The following TESK2 variants were observed in gnomAD, a reference collection of about 807,000 sequenced individuals.
The protein encoded by TESK2 is testis associated actin remodelling kinase 2.
A neutral mutation model predicts 57.1 loss-of-function variants in TESK2; 39 were observed. That is an observed-to-expected ratio of 0.68 (90% CI 0.53 to 0.89). The LOEUF (loss-of-function observed/expected upper bound fraction) is 0.89. TESK2 is among the 40% of genes least tolerant of loss of function. TESK2 has a pLI of 0.00. For missense variants in TESK2, 646 were observed against 732.1 expected (o/e 0.88, Z 1.36); for synonymous variants, 249 against 267.9 (o/e 0.93, Z 0.69).
intron 2 of TESK2, among the ~76,000 whole-genome samples, chr1:45,424,174 A>G (rs1396438640): frequency 6.6e-6 from 1 of 152,230 alleles, no homozygotes; most frequent in African/African-American, 2.4e-5. Flanking sequence ...ATGACAACTT[A>G]CTTAAACTCT....
chr1:45,445,531 A>G (rs1651609937), intron 2 of TESK2, among the ~76,000 whole-genome samples: 1 of 151,732 alleles, frequency 6.6e-6, no homozygotes, highest in South Asian at 2.1e-4. Context: ...TCACACTTGT[A>G]ATCCCAACAC....
In TESK2 at chr1:45,458,425, C is replaced by T. The variant is rs183476520; in HGVS notation, c.-86-554G>A. On this transcript the variant is annotated intron_variant, in intron 1 of 10. Transcript: ENST00000372086. ...ACTAAAAATACAAAAATTAGCCAGG[C>T]GTGGTGGCAAGCACCTGTAATCTCA... Among the ~76,000 whole-genome samples, 150 of 152,112 alleles carry T rather than the reference C, an allele frequency of 9.9e-4. 1 individual carries two copies. The highest frequency in any genetic ancestry group is 1.7e-3 in the Non-Finnish European group (113 of 67,996).
chr1:45,490,633 G>T (rs554621778), intron 1 of TESK2, among the ~76,000 whole-genome samples: 2 of 152,264 alleles, frequency 1.3e-5, no homozygotes, highest in East Asian at 3.9e-4. Context: ...GGGAGCAGAC[G>T]TGGCGGGGAG....
chr1:45,439,285 G>A (rs1651347471), intron 2 of TESK2, among the ~76,000 whole-genome samples: 1 of 152,084 alleles, frequency 6.6e-6, no homozygotes, highest in African/African-American at 2.4e-5. Flanking sequence ...CAATTTTTCA[G>A]TATCAAGCAG....
intron 4 of TESK2, among the ~76,000 whole-genome samples, chr1:45,375,423 C>CTTT (rs34730448): frequency 0.018 from 2,437 of 135,522 alleles, 95 homozygotes; most frequent in African/African-American, 0.061. Context: ...TTCCTTCACC[C>CTTT]TTTTTTTTTT....
At chr1:45,450,087 A>G (rs1651810274) in intron 2 of TESK2, among the ~76,000 whole-genome samples, 2 of 152,250 alleles carry the variant, frequency 1.3e-5, no homozygotes, top group Admixed American at 1.3e-4. Flanking sequence ...ATAACTAGGT[A>G]GTCATCTGAA....
At chr1:45,456,804 C>A (rs1652129060) in intron 2 of TESK2, among the ~76,000 whole-genome samples, 1 of 152,110 alleles carries the variant, frequency 6.6e-6, no homozygotes, top group Admixed American at 6.6e-5. Context: ...GTGTTGATAG[C>A]TATTTGTAGT....
intron 1 of TESK2, among the ~76,000 whole-genome samples, chr1:45,476,594 T>C (rs1652999881): frequency 1.3e-5 from 2 of 152,046 alleles, no homozygotes; most frequent in Non-Finnish European, 2.9e-5. Flanking sequence ...ACACCTGTAA[T>C]CCCAGGACTT....
At chr1:45,428,816 AT>A (rs71052876) in intron 2 of TESK2, among the ~76,000 whole-genome samples, 39 of 82,576 alleles carry the variant, frequency 4.7e-4, no homozygotes, top group African/African-American at 1.5e-3. Flanking sequence ...TAAATTCCTG[AT>A]TTTTTTTTTT....
intron 3 of TESK2, among the ~76,000 whole-genome samples, chr1:45,403,783 C>G (rs1396310904): frequency 6.6e-6 from 1 of 150,828 alleles, no homozygotes; most frequent in Non-Finnish European, 1.5e-5. Context: ...AAATATATAC[C>G]CTCTATCTTG....
intron 1 of TESK2, among the ~76,000 whole-genome samples, chr1:45,464,359 G>A (rs1444414050): frequency 1.3e-5 from 2 of 151,750 alleles, no homozygotes; most frequent in African/African-American, 4.8e-5. Flanking sequence ...GGGAGGCAGA[G>A]GTTGCGATGA....
chr1:45,481,140 C>A (rs1309499773), intron 1 of TESK2, among the ~76,000 whole-genome samples: 2 of 151,720 alleles, frequency 1.3e-5, no homozygotes, highest in African/African-American at 4.8e-5. Context: ...CCGAGGTGGG[C>A]GGATCACGAG....
chr1:45,489,405 C>A (rs755134106), intron 1 of TESK2, among the ~76,000 whole-genome samples: 2 of 152,198 alleles, frequency 1.3e-5, no homozygotes, highest in Non-Finnish European at 2.9e-5. Context: ...CCCATATATT[C>A]TCTTGACCCT....
chr1:45,399,212 G>C (rs1447969871), intron 3 of TESK2, among the ~76,000 whole-genome samples: 1 of 139,916 alleles, frequency 7.1e-6, no homozygotes, highest in Non-Finnish European at 1.5e-5. Context: ...GCAGTGGCAC[G>C]ATCTTGGCTC....
At chr1:45,459,064 A>G (rs970263144) in intron 1 of TESK2, among the ~76,000 whole-genome samples, 2 of 152,238 alleles carry the variant, frequency 1.3e-5, no homozygotes, top group Admixed American at 6.5e-5. Flanking sequence ...TCCCAGGGCC[A>G]TCTTAGTAAC....
At chr1:45,434,627 C>T (rs1285407928) in intron 2 of TESK2, among the ~76,000 whole-genome samples, 1 of 152,054 alleles carries the variant, frequency 6.6e-6, no homozygotes, top group Non-Finnish European at 1.5e-5. Flanking sequence ...TGTTTTCTTT[C>T]AAGAAATTTC....
At position 45,377,806 on chromosome 1, in the gene TESK2, T is replaced by A. The variant is rs1034542451; in HGVS notation, c.393+8106A>T. ...ACTTTGGGAGGCCGAGGTGGGCGGA[T>A]CACGAGGTCAGGAGTTTGAGACCAG... is the stretch of plus-strand genomic sequence containing the variant. On this transcript the variant is annotated intron_variant, in intron 4 of 10. Coordinates refer to ENST00000372086, the MANE Select transcript of TESK2 (RefSeq NM_007170.3). Among the ~76,000 whole-genome samples, 12 of 149,832 alleles carry A rather than the reference T, an allele frequency of 8.0e-5. 1 individual carries two copies. In the South Asian group the frequency reaches 2.3e-3, roughly 29 times the overall value.
intron 3 of TESK2, chr1:45,413,998 GA>G: frequency 2.9e-6 from 1 of 343,930 alleles, no homozygotes; most frequent in South Asian, 2.3e-5. Flanking sequence ...AAAGCATTTA[GA>G]AAATACAAAT....
chr1:45,418,571 C>A (rs1650341695), intron 3 of TESK2, among the ~76,000 whole-genome samples: 2 of 152,150 alleles, frequency 1.3e-5, no homozygotes, highest in South Asian at 4.1e-4. Context: ...AGAACATAGG[C>A]CTTAGAGGAG....
Sources: allele counts gnomAD v4.1 joint callset (sites outside exome capture counted in the v4.1 genomes callset), GRCh38; gene constraint gnomAD v4.1.1; transcripts MANE v1.5; gene names NCBI Gene and HGNC (gene_info 2026-07-23, HGNC 2026-07-21).